The following TTC28 variants were observed in gnomAD, a reference collection of about 807,000 sequenced individuals.
TTC28 encodes tetratricopeptide repeat domain 28.
In TTC28, 61 loss-of-function variants were observed where a neutral mutation model predicts 198.0. The observed-to-expected ratio is 0.31, with a 90% CI of 0.25 to 0.38. TTC28 has a LOEUF of 0.38. TTC28 is among the 10% of genes least tolerant of loss of function. The probability of loss-of-function intolerance (pLI) is 1.00; values close to 1 mark genes in which losing one functional copy is unlikely to be tolerated. For synonymous variants in TTC28, 1,171 were observed against 1,297.8 expected, an observed-to-expected ratio of 0.90 and a Z score of 2.10; for missense variants, 2,678 against 3,164.0, an observed-to-expected ratio of 0.85 and a Z score of 3.69.
chr22:28,614,144 C>T (rs961464519), intron 2 of TTC28, among the ~76,000 whole-genome samples: 21 of 152,130 alleles, frequency 1.4e-4, no homozygotes, highest in Admixed American at 9.2e-4. Context: ...TTCCTATACA[C>T]CAATAACAGA....
At chr22:28,462,772 T>C (rs926452790) in intron 2 of TTC28, among the ~76,000 whole-genome samples, 2 of 152,170 alleles carry the variant, frequency 1.3e-5, no homozygotes, top group African/African-American at 4.8e-5. Context: ...TCTCAAATTT[T>C]AGCATGCAAC....
At chr22:28,140,918 C>T (rs1010043246) in intron 6 of TTC28, among the ~76,000 whole-genome samples, 2 of 147,962 alleles carry the variant, frequency 1.4e-5, no homozygotes, top group African/African-American at 5.0e-5. Context: ...CTGTAGTAAC[C>T]TTTAAATGCA....
chr22:28,465,484 C>T (rs982860012), intron 2 of TTC28, among the ~76,000 whole-genome samples: 1 of 152,052 alleles, frequency 6.6e-6, no homozygotes, highest in Non-Finnish European at 1.5e-5. Context: ...ATTAGGCCGG[C>T]GTGGTGGTGT....
At chr22:28,571,354 C>G (rs1422636630) in intron 2 of TTC28, among the ~76,000 whole-genome samples, 2 of 152,122 alleles carry the variant, frequency 1.3e-5, no homozygotes, top group Non-Finnish European at 2.9e-5. Flanking sequence ...TTTCCATTAA[C>G]AATTCAGATA....
chr22:28,301,400 A>G (rs956419045), intron 3 of TTC28, among the ~76,000 whole-genome samples: 7 of 152,240 alleles, frequency 4.6e-5, no homozygotes, highest in African/African-American at 1.7e-4. Context: ...CCTTTGCAAC[A>G]TCAGTTCATC....
chr22:28,372,946 A>C (rs1156867908), intron 2 of TTC28, among the ~76,000 whole-genome samples: 1 of 152,180 alleles, frequency 6.6e-6, no homozygotes, highest in Non-Finnish European at 1.5e-5. Context: ...TTCTAGCTGA[A>C]GCTTGCATTT....
chr22:28,477,819 C>T (rs1254833474), intron 2 of TTC28, among the ~76,000 whole-genome samples: 4 of 152,166 alleles, frequency 2.6e-5, no homozygotes, highest in African/African-American at 9.7e-5. Context: ...TTGTTCTTTC[C>T]CTTCTGGCTT....
intron 2 of TTC28, among the ~76,000 whole-genome samples, chr22:28,349,160 TACACACACATGCATGTGCACGC>T (rs1356627289): frequency 6.6e-6 from 1 of 151,948 alleles, no homozygotes; most frequent in Admixed American, 6.6e-5. Flanking sequence ...GTTCATCAGT[TACACACACATGCATGTGCACGC>T]ACACACACAC....
At chr22:28,303,904 G>A (rs2057066701) in intron 3 of TTC28, 1 of 150,808 alleles carries the variant, frequency 6.6e-6, no homozygotes, top group African/African-American at 2.4e-5. Flanking sequence ...CAGATCAGAC[G>A]TATATGTAAA....
intron 2 of TTC28, among the ~76,000 whole-genome samples, chr22:28,412,886 A>G (rs1483677747): frequency 6.6e-6 from 1 of 152,226 alleles, no homozygotes; most frequent in Non-Finnish European, 1.5e-5. Flanking sequence ...CTTGGCTATC[A>G]GCTTTATGAT....
At chr22:28,582,908 A>C (rs1014010400) in intron 2 of TTC28, among the ~76,000 whole-genome samples, 3 of 152,210 alleles carry the variant, frequency 2.0e-5, no homozygotes, top group Admixed American at 6.5e-5. Context: ...GTGATATGTC[A>C]GTAGCCATTT....
intron 2 of TTC28, among the ~76,000 whole-genome samples, chr22:28,614,302 A>C (rs1333804841): frequency 6.6e-6 from 1 of 152,222 alleles, no homozygotes; most frequent in Non-Finnish European, 1.5e-5. Flanking sequence ...AGAAGACACA[A>C]ATAAATGGAA....
At chr22:27,993,207 G>A (rs1937478230) in intron 18 of TTC28, 80 bp downstream of exon 18, 3 of 1,289,132 alleles carry the variant, frequency 2.3e-6, no homozygotes, top group Non-Finnish European at 3.1e-6. Context: ...GCATCCTCAT[G>A]AATGCGGGGC....
At chr22:28,179,863 T>C (rs1321087468) in intron 5 of TTC28, among the ~76,000 whole-genome samples, 1 of 152,248 alleles carries the variant, frequency 6.6e-6, no homozygotes, top group Non-Finnish European at 1.5e-5. Flanking sequence ...GTTATCATAG[T>C]TATAGTTGAC....
chr22:28,190,890 A>C (rs569653560), intron 5 of TTC28, among the ~76,000 whole-genome samples: 1 of 152,086 alleles, frequency 6.6e-6, no homozygotes, highest in African/African-American at 2.4e-5. Flanking sequence ...TCTCACCTGC[A>C]TAACAGCCTC....
intron 2 of TTC28, among the ~76,000 whole-genome samples, chr22:28,367,938 G>T (rs2046274031): frequency 6.6e-6 from 1 of 151,906 alleles, no homozygotes; most frequent in African/African-American, 2.4e-5. Flanking sequence ...TCCCATTAAA[G>T]AAAGGCCCGA....
intron 13 of TTC28, chr22:28,028,828 G>A (rs1938953046): frequency 8.4e-6 from 3 of 357,834 alleles, no homozygotes; most frequent in African/African-American, 2.1e-5. Flanking sequence ...TTTATACATT[G>A]GCTCCTTTAT....
chr22:28,497,957 G>A (rs1263952962), intron 2 of TTC28, among the ~76,000 whole-genome samples: 1 of 152,012 alleles, frequency 6.6e-6, no homozygotes, highest in East Asian at 1.9e-4. Context: ...TGTTGAAGCT[G>A]GAACAATTAG....
intron 2 of TTC28, among the ~76,000 whole-genome samples, chr22:28,551,418 C>T (rs1233750108): frequency 6.6e-6 from 1 of 151,750 alleles, no homozygotes; most frequent in Non-Finnish European, 1.5e-5. Flanking sequence ...TGGGGAAGGA[C>T]ACAGCAAAAA....
Sources: gnomAD v4.1 joint callset for allele counts (sites outside exome capture counted in the v4.1 genomes callset) on GRCh38, gnomAD v4.1.1 for gene constraint, MANE v1.5 for transcripts, NCBI Gene and HGNC (gene_info 2026-07-23, HGNC 2026-07-21) for gene names.